Variants in HDHD2 observed in about 807,000 individuals in gnomAD.
The protein encoded by HDHD2 is haloacid dehalogenase like hydrolase domain containing 2.
A neutral mutation model predicts 24.8 loss-of-function variants in HDHD2; 26 were observed. The observed-to-expected ratio is 1.05, with a 90% CI of 0.77 to 1.45. The LOEUF is 1.45. Among genes scored for constraint, HDHD2 ranks in the 40% most tolerant of loss-of-function variants. HDHD2 has a pLI of 0.00. For synonymous variants in HDHD2, 128 were observed against 114.9 expected, an observed-to-expected ratio of 1.11 and a Z score of -0.73; for missense variants, 299 against 313.4, an observed-to-expected ratio of 0.95 and a Z score of 0.35.
In HDHD2 at chr18:47,132,967, C is replaced by T. The variant is rs1176771015; in HGVS notation, c.310+1529G>A. On this transcript the variant is annotated intron_variant, in intron 3 of 6. Coordinates refer to ENST00000300605, the MANE Select transcript of HDHD2 (RefSeq NM_032124.5). ...CTGCATTGAGGATTAGCTTATAATA[C>T]TCAAAGTAATTTTGACCTGTGTTCG... is the stretch of plus-strand genomic sequence containing the variant. Among the ~76,000 whole-genome samples, 5 of 152,266 alleles carry T rather than the reference C, an allele frequency of 3.3e-5. No homozygotes were observed. In the South Asian group the frequency reaches 1.0e-3, roughly 32 times the overall value.
intron 4 of HDHD2, among the ~76,000 whole-genome samples, chr18:47,122,504 C>A (rs1479455535): frequency 6.6e-6 from 1 of 152,112 alleles, no homozygotes; most frequent in Non-Finnish European, 1.5e-5. Context: ...CCTTAGGGGG[C>A]AAAACTGTCC....
intron 6 of HDHD2, chr18:47,110,955 A>C: frequency 3.0e-6 from 3 of 985,278 alleles, no homozygotes; most frequent in Non-Finnish European, 3.6e-6. Context: ...ATCCACAGAA[A>C]GCACTTATTA....
intron 3 of HDHD2, among the ~76,000 whole-genome samples, chr18:47,132,720 T>C (rs1309826362): frequency 6.6e-6 from 1 of 152,218 alleles, no homozygotes; most frequent in African/African-American, 2.4e-5. Flanking sequence ...TATTGTGCCA[T>C]TGCACTCTAA....
intron 4 of HDHD2, among the ~76,000 whole-genome samples, chr18:47,127,671 A>G (rs910439000): frequency 6.8e-6 from 1 of 147,336 alleles, no homozygotes; most frequent in African/African-American, 2.5e-5. Flanking sequence ...AGATCACACC[A>G]CTGCACTCCA....
At chr18:47,133,711 T>C (rs536660158) in intron 3 of HDHD2, among the ~76,000 whole-genome samples, 1 of 152,152 alleles carries the variant, frequency 6.6e-6, no homozygotes, top group Non-Finnish European at 1.5e-5. Context: ...GGTTTTGATT[T>C]GCATTTCTCT....
intron 6 of HDHD2, chr18:47,110,910 G>A (rs2063510754): frequency 2.0e-6 from 2 of 984,550 alleles, no homozygotes; most frequent in Non-Finnish European, 2.4e-6. Flanking sequence ...CATCTACCTT[G>A]TGCTACCCCT....
rs199745448 is a variant in HDHD2, at chr18:47,115,284, C to T, written c.460G>A (p.Gly154Ser). Residue 154 changes from glycine (G) to serine (S), a missense_variant, in exon 5 of 7, where the codon GGC becomes AGC. By Grantham distance (56) the Gly-to-Ser change is moderately conservative. Coordinates refer to ENST00000300605, the MANE Select transcript of HDHD2 (RefSeq NM_032124.5). ...HKARYYKRKD[G>S]LALGPGPFVT... ...AATGGTCCAGGCCCCAGGGCTAAGC[C>T]ATCTTTCCTCTTGTAATACCTGGCT... 162 of 1,613,914 alleles carry T rather than the reference C, an allele frequency of 1.0e-4. No homozygotes were observed. The highest frequency in any genetic ancestry group is 3.3e-5 in the Admixed American group (2 of 60,002).
intron 1 of HDHD2, among the ~76,000 whole-genome samples, chr18:47,141,390 T>C (rs1397817197): frequency 3.9e-5 from 6 of 152,248 alleles, no homozygotes; most frequent in Admixed American, 3.3e-4. Flanking sequence ...TAATAAATTA[T>C]GATATTTGCC....
Position 47,137,678 on chromosome 18 carries a change from T to C in HDHD2, c.-10-1229A>G, listed in dbSNP as rs186420535. Among the ~76,000 whole-genome samples, 804 of 152,302 alleles carry C rather than the reference T, an allele frequency of 5.3e-3. 14 individuals carry two copies. Among genetic ancestry groups the C allele is most frequent in the Non-Finnish European group, 4.2e-3 (288 of 68,026 alleles). On this transcript the variant is annotated intron_variant, in intron 1 of 6. Coordinates refer to ENST00000300605, the MANE Select transcript of HDHD2 (RefSeq NM_032124.5). Reference sequence around the variant, plus strand: ...ACAACAAAAACCCCATAAAAATCCCTGCATATCTTGTTCAATTGGAGAATT... The same window carrying C: ...ACAACAAAAACCCCATAAAAATCCCCGCATATCTTGTTCAATTGGAGAATT...
chr18:47,117,467 T>C lies in HDHD2; in HGVS notation c.396-2119A>G, dbSNP rs556413905. Among the ~76,000 whole-genome samples the C allele has an allele frequency of 3.9e-5, 6 of 152,344 alleles. No homozygotes were observed. In the South Asian group the frequency reaches 6.2e-4, roughly 16 times the overall value. ...TTGTGTGCGTGCTCTCTTGACCTTC[T>C]GCCTTCTACCACAGGATGATGCAGC... On this transcript the variant is annotated intron_variant, in intron 4 of 6. Transcript: ENST00000300605.
chr18:47,108,825 A>G (rs1333438180), intron 6 of HDHD2, 40 bp from the exon 7 acceptor site: 1 of 1,251,702 alleles, frequency 8.0e-7, no homozygotes, highest in African/African-American at 1.5e-5. Context: ...GGCTGCCACC[A>G]GAATGCTAAA....
At chr18:47,142,933 T>G (rs936441649) in intron 1 of HDHD2, among the ~76,000 whole-genome samples, 2 of 152,144 alleles carry the variant, frequency 1.3e-5, no homozygotes, top group African/African-American at 4.8e-5. Context: ...TCAATGCGCC[T>G]GACAAACTAC....
rs149788442 is a variant in HDHD2 at position 47,144,920 on chromosome 18, C to T, written c.-11+5458G>A. On this transcript the variant is annotated intron_variant, in intron 1 of 6. Coordinates refer to ENST00000300605, the MANE Select transcript of HDHD2 (RefSeq NM_032124.5). ...AAGCCATGGTAAGGGAGAACCTACA[C>T]AAACAACAGACTGCATAAGCAGCCC... Among the ~76,000 whole-genome samples, 153 of 152,010 alleles carry T rather than the reference C, an allele frequency of 1.0e-3. 3 individuals are homozygous for T. The East Asian group carries it at 0.027, about 27-fold the overall frequency.
intron 4 of HDHD2, among the ~76,000 whole-genome samples, chr18:47,121,681 G>C (rs2063608461): frequency 6.6e-6 from 1 of 152,024 alleles, no homozygotes; most frequent in South Asian, 2.1e-4. Context: ...AAAGTCCTTA[G>C]CACAGTCTCG....
At chr18:47,145,929 C>T (rs546356340) in intron 1 of HDHD2, among the ~76,000 whole-genome samples, 1 of 152,044 alleles carries the variant, frequency 6.6e-6, no homozygotes, top group Non-Finnish European at 1.5e-5. Context: ...CTTAACGTAG[C>T]CTTTACAAAA....
chr18:47,128,309 C>T (rs1381952936), intron 4 of HDHD2, among the ~76,000 whole-genome samples: 1 of 152,114 alleles, frequency 6.6e-6, no homozygotes, highest in African/African-American at 2.4e-5. Flanking sequence ...TATGTCCTTC[C>T]CAAATTGCCA....
At chr18:47,133,951 C>A (rs1436348969) in intron 3 of HDHD2, among the ~76,000 whole-genome samples, 2 of 152,148 alleles carry the variant, frequency 1.3e-5, no homozygotes, top group East Asian at 3.9e-4. Flanking sequence ...ATGGTAGTTT[C>A]TTTTGCTGTG....
chr18:47,147,211 G>T (rs1359777670), intron 1 of HDHD2, among the ~76,000 whole-genome samples: 2 of 152,112 alleles, frequency 1.3e-5, no homozygotes, highest in African/African-American at 4.8e-5. Flanking sequence ...TAATGTATCT[G>T]ATGAAAGAGG....
chr18:47,115,433 C>A, intron 4 of HDHD2, 85 bp from the exon 5 acceptor site: 1 of 867,128 alleles, frequency 1.2e-6, no homozygotes, highest in Non-Finnish European at 1.8e-6. Context: ...TACAAAGTGG[C>A]TGTATTCACA....
Sources: allele counts gnomAD v4.1 joint callset (sites outside exome capture counted in the v4.1 genomes callset), GRCh38; gene constraint gnomAD v4.1.1; transcripts MANE v1.5; gene names NCBI Gene and HGNC (gene_info 2026-07-23, HGNC 2026-07-21).